PLCB1: variants seen among roughly 807,000 people sequenced by gnomAD.
PLCB1 encodes phospholipase C beta 1.
A neutral mutation model predicts 161.8 loss-of-function variants in PLCB1; 46 were observed. That is an observed-to-expected ratio of 0.28 (90% confidence interval 0.22 to 0.36). PLCB1 has a LOEUF of 0.36. Ranked by LOEUF, PLCB1 falls within the 10% of genes least tolerant of loss-of-function variation. The pLI, the probability that PLCB1 is intolerant of heterozygous loss-of-function variation, is 1.00. For missense variants in PLCB1, 1,016 were observed against 1,472.5 expected, an observed-to-expected ratio of 0.69 and a Z score of 5.07; for synonymous variants, 517 against 503.7, an observed-to-expected ratio of 1.03 and a Z score of -0.35.
At chr20:8,594,752 T>C (rs1439451706) in intron 3 of PLCB1, among the ~76,000 whole-genome samples, 2 of 152,060 alleles carry the variant, frequency 1.3e-5, no homozygotes, top group African/African-American at 4.8e-5. Flanking sequence ...GTGCATTTTA[T>C]AAATAGCACA....
At chr20:8,403,268 G>A (rs1323758817) in intron 3 of PLCB1, among the ~76,000 whole-genome samples, 1 of 152,004 alleles carries the variant, frequency 6.6e-6, no homozygotes, top group African/African-American at 2.4e-5. Context: ...TAATCCTAAG[G>A]CTTTGAGGGG....
intron 2 of PLCB1, among the ~76,000 whole-genome samples, chr20:8,168,493 A>G (rs2051698070): frequency 6.6e-6 from 1 of 152,108 alleles, no homozygotes; most frequent in Admixed American, 6.6e-5. Context: ...GAGGTCCCTG[A>G]TAGGTGTTCT....
At chr20:8,609,890 T>C (rs1333215940) in intron 3 of PLCB1, among the ~76,000 whole-genome samples, 2 of 152,188 alleles carry the variant, frequency 1.3e-5, no homozygotes, top group Non-Finnish European at 2.9e-5. Flanking sequence ...TACTTTAGGG[T>C]GAATATCTGT....
At chr20:8,692,516 T>G (rs6039238) in intron 10 of PLCB1, among the ~76,000 whole-genome samples, 11,516 of 152,230 alleles carry the variant, frequency 0.076, 526 homozygotes, top group African/African-American at 0.12. Flanking sequence ...TTGTAAAATG[T>G]AGATAAATTA....
intron 2 of PLCB1, among the ~76,000 whole-genome samples, chr20:8,270,622 C>G (rs546127553): frequency 1.3e-4 from 19 of 151,988 alleles, no homozygotes; most frequent in African/African-American, 4.6e-4. Flanking sequence ...ACTGATTAAT[C>G]TGAAAAAAAT....
chr20:8,442,829 CTAA>C (rs1457862957), intron 3 of PLCB1, among the ~76,000 whole-genome samples: 1 of 152,116 alleles, frequency 6.6e-6, no homozygotes, highest in Non-Finnish European at 1.5e-5. Flanking sequence ...TGGGAAAATC[CTAA>C]TAATGATGGA....
At chr20:8,482,882 G>A (rs1982566072) in intron 3 of PLCB1, among the ~76,000 whole-genome samples, 1 of 144,708 alleles carries the variant, frequency 6.9e-6, no homozygotes, top group Non-Finnish European at 1.5e-5. Flanking sequence ...AATGTAAGCA[G>A]GGCAGGCAGT....
chr20:8,396,465 T>G (rs1358516374), intron 3 of PLCB1, among the ~76,000 whole-genome samples: 1 of 152,056 alleles, frequency 6.6e-6, no homozygotes, highest in African/African-American at 2.4e-5. Flanking sequence ...CTTAAATAAA[T>G]TATTCGGTTG....
At chr20:8,438,020 A>G (rs890065987) in intron 3 of PLCB1, among the ~76,000 whole-genome samples, 4 of 152,158 alleles carry the variant, frequency 2.6e-5, no homozygotes, top group African/African-American at 9.6e-5. Context: ...ATATACTTAT[A>G]GTTTATTTTA....
chr20:8,175,092 A>G (rs562883145), intron 2 of PLCB1, among the ~76,000 whole-genome samples: 6 of 152,180 alleles, frequency 3.9e-5, no homozygotes, highest in African/African-American at 1.4e-4. Context: ...AAGTAATAAT[A>G]AAAACTGCAA....
intron 2 of PLCB1, among the ~76,000 whole-genome samples, chr20:8,310,537 G>A (rs192712516): frequency 6.6e-6 from 1 of 152,288 alleles, no homozygotes; most frequent in Non-Finnish European, 1.5e-5. Context: ...GCCTGGAAAG[G>A]GGTATTTGGG....
chr20:8,137,013 T>G (rs754607450), intron 1 of PLCB1, among the ~76,000 whole-genome samples: 86 of 152,328 alleles, frequency 5.6e-4, no homozygotes, highest in Non-Finnish European at 1.1e-3. Flanking sequence ...GGAAAAATAA[T>G]TGCTAGACTA....
At chr20:8,500,727 GA>G (rs1983371481) in intron 3 of PLCB1, among the ~76,000 whole-genome samples, 2 of 152,038 alleles carry the variant, frequency 1.3e-5, no homozygotes, top group Admixed American at 1.3e-4. Context: ...CTTTATTAGT[GA>G]TTACTAGCCC....
chr20:8,133,450 G>A (rs973388686), intron 1 of PLCB1, among the ~76,000 whole-genome samples: 6 of 152,068 alleles, frequency 3.9e-5, no homozygotes, highest in Non-Finnish European at 8.8e-5. Flanking sequence ...TGAGCTGATT[G>A]GAGTCTTCTG....
intron 3 of PLCB1, among the ~76,000 whole-genome samples, chr20:8,611,674 GT>G (rs1261291951): frequency 6.6e-6 from 1 of 152,140 alleles, no homozygotes; most frequent in Admixed American, 6.6e-5. Flanking sequence ...AGTTTACAGA[GT>G]TTTATTGACC....
chr20:8,619,423 G>GA (rs546147369), intron 3 of PLCB1, among the ~76,000 whole-genome samples: 8,885 of 135,078 alleles, frequency 0.066, 580 homozygotes, highest in African/African-American at 0.18. Flanking sequence ...TGTCTAAAAA[G>GA]AAAAAAAAAA....
rs558247105 is a variant in PLCB1, at chr20:8,186,211, CT to C, written c.177+35843del. On this transcript the variant is annotated intron_variant, in intron 2 of 31. Coordinates refer to ENST00000338037, the MANE Select transcript of PLCB1 (RefSeq NM_015192.4). ...TGTTGCATTATTTTGTGGATTTTAG[CT>C]TTCTAACTTTCTGTTATGGAATATA... 1.2e-4 allele frequency among the ~76,000 whole-genome samples: 18 copies of C among 152,154 alleles called. No homozygotes were observed. The East Asian group carries it at 3.5e-3, about 29-fold the overall frequency.
chr20:8,553,397 C>T (rs936057080), intron 3 of PLCB1, among the ~76,000 whole-genome samples: 1 of 152,110 alleles, frequency 6.6e-6, no homozygotes, highest in Non-Finnish European at 1.5e-5. Context: ...AAGGTGGAAT[C>T]GTTTCTTGAA....
intron 21 of PLCB1, among the ~76,000 whole-genome samples, 172 bp from the exon 22 acceptor site, chr20:8,740,172 C>T (rs757904986): frequency 5.9e-5 from 9 of 152,082 alleles, no homozygotes; most frequent in Non-Finnish European, 1.2e-4. Flanking sequence ...GTTTTCTTGT[C>T]TGATGAGAAA....
Sources: gnomAD v4.1 joint callset for allele counts (sites outside exome capture counted in the v4.1 genomes callset) on GRCh38, gnomAD v4.1.1 for gene constraint, MANE v1.5 for transcripts, NCBI Gene and HGNC (gene_info 2026-07-23, HGNC 2026-07-21) for gene names.